Variants in FRMD4B observed in about 807,000 individuals in gnomAD.
FRMD4B encodes FERM domain containing 4B.
FRMD4B carries 74 observed loss-of-function variants against 141.5 expected under a neutral mutation model. The observed-to-expected ratio is 0.52, with a 90% CI of 0.43 to 0.63. FRMD4B has a LOEUF of 0.63. Ranked by LOEUF, FRMD4B falls within the 30% of genes least tolerant of loss-of-function variation. The probability of loss-of-function intolerance (pLI) is 0.00; values close to 1 mark genes in which losing one functional copy is unlikely to be tolerated. For synonymous variants in FRMD4B, 506 were observed against 467.9 expected (o/e 1.08, Z -1.05); for missense variants, 1,366 against 1,253.4 (o/e 1.09, Z -1.36).
At chr3:69,325,103 A>AAG (rs1702148615) in intron 1 of FRMD4B, among the ~76,000 whole-genome samples, 1 of 151,616 alleles carries the variant, frequency 6.6e-6, no homozygotes, top group Non-Finnish European at 1.5e-5. Flanking sequence ...GAAAGAAAGA[A>AAG]AGAAAGAAAG....
At chr3:69,222,015 TGA>T in intron 8 of FRMD4B, 92 bp from the exon 9 acceptor site, 1 of 742,062 alleles carries the variant, frequency 1.3e-6, no homozygotes, top group Non-Finnish European at 2.4e-6. Context: ...TCAGGAAACT[TGA>T]GAGAGAAAGC....
chr3:69,249,287 A>G (rs2093446171), intron 6 of FRMD4B, 39 bp from the exon 7 acceptor site: 3 of 1,415,084 alleles, frequency 2.1e-6, no homozygotes, highest in Non-Finnish European at 3.0e-6. Flanking sequence ...ATCAATATGT[A>G]TCTTTGTTAA....
At position 69,303,146 on chromosome 3, in the gene FRMD4B, A is replaced by G. The variant is rs529550602; in HGVS notation, c.324-711T>C. ...AAAAAAAACTATAGAGTGAAATACA[A>G]TGCAGCCATAAAATAGGCTGAAGAA... On this transcript the variant is annotated intron_variant, in intron 3 of 22. Coordinates refer to ENST00000398540, the MANE Select transcript of FRMD4B (RefSeq NM_015123.3). 3.8e-5 allele frequency among the ~76,000 whole-genome samples: 3 copies of G among 79,994 alleles called. No individual in the cohort carries two copies. The South Asian group carries it at 1.2e-3, about 33-fold the overall frequency. The allele number at this position is 79,994 out of a possible 152,430, so 52.5% of individuals were successfully genotyped here.
In FRMD4B at chr3:69,418,822, A is replaced by G. The variant is rs200508912; in HGVS notation, c.-1+13812T>C. Among the ~76,000 whole-genome samples the G allele has an allele frequency of 2.7e-5, 4 of 150,468 alleles. No homozygotes were observed. In the South Asian group the frequency reaches 8.4e-4, roughly 32 times the overall value. ...CCCAGACTCCTGGCCCATAGCAACT[A>G]TGTGTGTGTGTGTGTGTGTGTATAA... On this transcript the variant is annotated intron_variant, in intron 2 of 5. Transcript: ENST00000459638.
chr3:69,478,783 C>A (rs1414541460), intron 1 of FRMD4B, among the ~76,000 whole-genome samples: 1 of 152,060 alleles, frequency 6.6e-6, no homozygotes, highest in African/African-American at 2.4e-5. Flanking sequence ...TCTCGTTGAT[C>A]TGTCTAAAGT....
chr3:69,534,800 A>T (rs1293024498), intron 1 of FRMD4B, among the ~76,000 whole-genome samples: 1 of 152,218 alleles, frequency 6.6e-6, no homozygotes, highest in Non-Finnish European at 1.5e-5. Flanking sequence ...ATTTCATTAA[A>T]TCTCAGTTTT....
intron 1 of FRMD4B, among the ~76,000 whole-genome samples, chr3:69,441,496 C>A (rs1185295061): frequency 6.6e-6 from 1 of 152,162 alleles, no homozygotes; most frequent in Non-Finnish European, 1.5e-5. Flanking sequence ...CTCCAACCAT[C>A]CGTAATGACA....
intron 1 of FRMD4B, among the ~76,000 whole-genome samples, chr3:69,329,764 T>C (rs1292076658): frequency 6.6e-6 from 1 of 151,726 alleles, no homozygotes; most frequent in African/African-American, 2.4e-5. Flanking sequence ...ACTCCTGACC[T>C]CAGGTGATCT....
intron 1 of FRMD4B, among the ~76,000 whole-genome samples, chr3:69,456,786 A>G (rs887397328): frequency 1.3e-5 from 2 of 151,442 alleles, no homozygotes; most frequent in African/African-American, 4.8e-5. Flanking sequence ...TTTCCTCTAG[A>G]TGGGGTCAGC....
chr3:69,476,193 A>G (rs1024454563), intron 1 of FRMD4B, among the ~76,000 whole-genome samples: 1 of 151,250 alleles, frequency 6.6e-6, no homozygotes, highest in African/African-American at 2.4e-5. Context: ...GCTGTGCAGA[A>G]GCTCTTTAGT....
At chr3:69,292,566 C>T (rs1444184716) in intron 4 of FRMD4B, among the ~76,000 whole-genome samples, 2 of 152,208 alleles carry the variant, frequency 1.3e-5, no homozygotes, top group African/African-American at 4.8e-5. Context: ...TTTCTGGCGA[C>T]CAGCCCTGGT....
chr3:69,514,104 A>G (rs1700700848), intron 1 of FRMD4B, among the ~76,000 whole-genome samples: 1 of 152,296 alleles, frequency 6.6e-6, no homozygotes, highest in East Asian at 1.9e-4. Flanking sequence ...GGAAAGAAGG[A>G]AGTAAAATGG....
intron 1 of FRMD4B, among the ~76,000 whole-genome samples, chr3:69,344,037 TG>T (rs1484610152): frequency 1.3e-5 from 2 of 152,244 alleles, no homozygotes; most frequent in South Asian, 4.1e-4. Context: ...ACATTGCTGG[TG>T]CAGTACATAC....
intron 1 of FRMD4B, among the ~76,000 whole-genome samples, chr3:69,359,349 C>T (rs1703410698): frequency 6.6e-6 from 1 of 152,046 alleles, no homozygotes; most frequent in African/African-American, 2.4e-5. Context: ...TTGTTCAGGG[C>T]TATAACACGT....
At chr3:69,353,492 G>T in intron 1 of FRMD4B, 2 of 774,032 alleles carry the variant, frequency 2.6e-6, no homozygotes, top group Non-Finnish European at 3.1e-6. Context: ...AGCTGAAGAA[G>T]CACCGTTACA....
At chr3:69,248,244 TACAC>T (rs147851519) in intron 7 of FRMD4B, among the ~76,000 whole-genome samples, 2 of 150,674 alleles carry the variant, frequency 1.3e-5, no homozygotes, top group Admixed American at 6.6e-5. Context: ...AAAATGTAAA[TACAC>T]ACACACACAC....
At chr3:69,227,654 C>T (rs1445142489) in intron 7 of FRMD4B, among the ~76,000 whole-genome samples, 5 of 143,996 alleles carry the variant, frequency 3.5e-5, no homozygotes, top group Non-Finnish European at 6.0e-5. Flanking sequence ...AAGAGTGAGA[C>T]TTTGTCTCAA....
At chr3:69,222,688 T>A (rs185296602) in intron 8 of FRMD4B, among the ~76,000 whole-genome samples, 1 of 152,186 alleles carries the variant, frequency 6.6e-6, no homozygotes, top group Non-Finnish European at 1.5e-5. Flanking sequence ...CGAGTATCAC[T>A]TGAACCCAGG....
rs376083778 is a variant in FRMD4B, at chr3:69,242,457, T to C, written c.581+6769A>G. On this transcript the variant is annotated intron_variant, in intron 7 of 22. Coordinates refer to ENST00000398540, the MANE Select transcript of FRMD4B (RefSeq NM_015123.3). Reference sequence around the variant, plus strand: ...TCTCCAGGGCATCCAAAGAAATTCCTTTCCCATGGGAAATAGCTGCATTTT... The same window carrying C: ...TCTCCAGGGCATCCAAAGAAATTCCCTTCCCATGGGAAATAGCTGCATTTT... 2.8e-5 allele frequency among the ~76,000 whole-genome samples: 4 copies of C among 142,650 alleles called. No homozygotes were observed. In the East Asian group the frequency reaches 8.9e-4, roughly 32 times the overall value. The allele number at this position is 142,650 out of a possible 152,430, so 93.6% of individuals were successfully genotyped here.
Sources: gnomAD v4.1 joint callset for allele counts (sites outside exome capture counted in the v4.1 genomes callset) on GRCh38, gnomAD v4.1.1 for gene constraint, MANE v1.5 for transcripts, NCBI Gene and HGNC (gene_info 2026-07-23, HGNC 2026-07-21) for gene names.